TBX20: variants seen among roughly 807,000 people sequenced by gnomAD.
TBX20 encodes the protein T-box transcription factor 20, also known as T-box transcription factor TBX20.
In TBX20, 8 loss-of-function variants were observed where a neutral mutation model predicts 42.9. The observed-to-expected ratio is 0.19, with a 90% confidence interval of 0.11 to 0.34. The LOEUF (loss-of-function observed/expected upper bound fraction) is 0.34, where lower values mean the gene tolerates loss of function less well. TBX20 is among the 10% of genes least tolerant of loss of function. The pLI is 1.00. For missense variants in TBX20, 411 were observed against 566.0 expected (o/e 0.73, Z 2.78); for synonymous variants, 198 against 222.8 (o/e 0.89, Z 0.99).
chr7:35,236,139 A>G (rs553388540), intron 5 of TBX20, among the ~76,000 whole-genome samples: 3 of 152,212 alleles, frequency 2.0e-5, no homozygotes, highest in Non-Finnish European at 4.4e-5. Flanking sequence ...TCCTACTTTC[A>G]TTACTTACAA....
intron 5 of TBX20, among the ~76,000 whole-genome samples, chr7:35,234,028 G>T (rs1789916553): frequency 6.6e-6 from 1 of 152,184 alleles, no homozygotes; most frequent in African/African-American, 2.4e-5. Flanking sequence ...AGCAATAAAG[G>T]TAAGGCTGCC....
At chr7:35,219,999 A>T (rs1789653767) in intron 6 of TBX20, among the ~76,000 whole-genome samples, 1 of 152,188 alleles carries the variant, frequency 6.6e-6, no homozygotes, top group African/African-American at 2.4e-5. Flanking sequence ...AGGGTGATAT[A>T]AGCCTTTATA....
intron 6 of TBX20, among the ~76,000 whole-genome samples, chr7:35,214,401 A>C (rs1184308140): frequency 6.6e-6 from 1 of 152,164 alleles, no homozygotes; most frequent in Non-Finnish European, 1.5e-5. Context: ...CTATTTTTAA[A>C]TATCCCTTGA....
intron 6 of TBX20, among the ~76,000 whole-genome samples, chr7:35,218,421 T>C (rs1054812320): frequency 6.6e-6 from 1 of 152,118 alleles, no homozygotes; most frequent in Admixed American, 6.5e-5. Flanking sequence ...GGGCCCCAAC[T>C]GCTGTGTGAT....
At position 35,249,818 on chromosome 7, in the gene TBX20, G is replaced by T; in HGVS notation, c.380+133C>A. The stretch of plus-strand genomic sequence containing the variant: ...TCCTAATGCAAGCTGGTGGAAAGCA[G>T]CTGCCCTGGAGCCAAGCTGTCTCTC... On this transcript the variant is annotated intron_variant, in intron 2 of 7. Coordinates refer to ENST00000408931, the MANE Select transcript of TBX20 (RefSeq NM_001077653.2). This position sits in a 1 kb window ranked among gnomAD's most constrained non-coding sequence, Gnocchi z 4.3. 1 of 1,014,700 alleles carries T rather than the reference G, an allele frequency of 9.9e-7. No individual in the cohort carries two copies. Among genetic ancestry groups the T allele is most frequent in the Non-Finnish European group, 1.4e-6 (1 of 698,944 alleles). The allele number at this position is 1,014,700 out of a possible 1,614,324, so 62.9% of individuals were successfully genotyped here.
chr7:35,218,399 C>T (rs1789625403), intron 6 of TBX20, among the ~76,000 whole-genome samples: 1 of 152,022 alleles, frequency 6.6e-6, no homozygotes, highest in Admixed American at 6.6e-5. Flanking sequence ...GGGCAAGTCA[C>T]TTGAGCTCCT....
intron 6 of TBX20, among the ~76,000 whole-genome samples, chr7:35,214,437 A>T (rs1789547774): frequency 6.6e-6 from 1 of 152,214 alleles, no homozygotes; most frequent in African/African-American, 2.4e-5. Context: ...CCCATGAGTT[A>T]GGCTTGTTGA....
intron 4 of TBX20, among the ~76,000 whole-genome samples, chr7:35,242,137 C>T (rs1790095165): frequency 6.6e-6 from 1 of 152,194 alleles, no homozygotes; most frequent in Non-Finnish European, 1.5e-5. Context: ...GCTTTCTTGG[C>T]TAACCTGGGC....
chr7:35,232,725 T>G (rs910203865), intron 5 of TBX20, among the ~76,000 whole-genome samples: 2 of 152,194 alleles, frequency 1.3e-5, no homozygotes, highest in Non-Finnish European at 2.9e-5. Flanking sequence ...AACAGATAGT[T>G]TGAAATACTC....
chr7:35,234,486 A>G (rs894778306), intron 5 of TBX20, among the ~76,000 whole-genome samples: 7 of 152,214 alleles, frequency 4.6e-5, no homozygotes, highest in African/African-American at 1.7e-4. Flanking sequence ...TAAATTCAAC[A>G]TGAGTTTTCA....
chr7:35,209,092 G>GT (rs1305250553), intron 6 of TBX20, among the ~76,000 whole-genome samples: 1 of 151,816 alleles, frequency 6.6e-6, no homozygotes, highest in Admixed American at 6.6e-5. Flanking sequence ...ACATATTATC[G>GT]TTTTTTTAAT....
At chr7:35,239,902 C>T (rs1210393320) in intron 5 of TBX20, among the ~76,000 whole-genome samples, 1 of 152,026 alleles carries the variant, frequency 6.6e-6, no homozygotes, top group African/African-American at 2.4e-5. Flanking sequence ...CAGGCACCTG[C>T]CACCAGGCCC....
intron 1 of TBX20, among the ~76,000 whole-genome samples, chr7:35,251,682 TCAG>T (rs1790308150): frequency 6.6e-6 from 1 of 152,202 alleles, no homozygotes; most frequent in Non-Finnish European, 1.5e-5. Flanking sequence ...TAGAAATGCT[TCAG>T]CAGACTGAAG....
At chr7:35,206,707 C>T (rs1035209181) in intron 6 of TBX20, among the ~76,000 whole-genome samples, 4 of 152,182 alleles carry the variant, frequency 2.6e-5, no homozygotes, top group Admixed American at 2.6e-4. Flanking sequence ...CGCAACAAAC[C>T]TTTCCAAGGA....
chr7:35,246,918 T>C (rs1790200424), intron 3 of TBX20, among the ~76,000 whole-genome samples: 1 of 152,030 alleles, frequency 6.6e-6, no homozygotes, highest in Non-Finnish European at 1.5e-5. Flanking sequence ...TGAAAAAATA[T>C]ACAGGAAGCC....
intron 7 of TBX20, 133 bp downstream of exon 7, chr7:35,204,337 C>G: frequency 1.4e-6 from 1 of 722,314 alleles, no homozygotes; most frequent in East Asian, 2.7e-5. Context: ...GCTCTCCCTT[C>G]CCAAGGAGGC....
intron 6 of TBX20, among the ~76,000 whole-genome samples, chr7:35,221,324 A>T (rs1022811099): frequency 6.6e-6 from 1 of 151,440 alleles, no homozygotes; most frequent in Non-Finnish European, 1.5e-5. Flanking sequence ...ATATCAAAAG[A>T]AAAAGAAAGG....
chr7:35,217,786 T>C (rs1477699463), intron 6 of TBX20, among the ~76,000 whole-genome samples: 3 of 152,236 alleles, frequency 2.0e-5, no homozygotes, highest in East Asian at 3.9e-4. Context: ...AATGGAACGA[T>C]CTTGGCTCAC....
In TBX20 at chr7:35,249,862, C is replaced by T; in HGVS notation, c.380+89G>A. On this transcript the variant is annotated intron_variant, in intron 2 of 7. Coordinates refer to ENST00000408931, the MANE Select transcript of TBX20 (RefSeq NM_001077653.2). This position sits in a 1 kb window ranked among gnomAD's most constrained non-coding sequence, Gnocchi z 4.3. ...GTCTCTCCGCTCCATGACCAGCCAG[C>T]TCTCATCTAGTTCCTGGAAGCACCC... is the stretch of plus-strand genomic sequence containing the variant. The T allele has an allele frequency of 6.9e-7, 1 of 1,439,106 alleles. No individual in the cohort carries two copies. The highest frequency in any genetic ancestry group is 9.4e-7 in the Non-Finnish European group (1 of 1,060,510). The allele number at this position is 1,439,106 out of a possible 1,614,324, so 89.1% of individuals were successfully genotyped here.
Sources: gnomAD v4.1 joint callset for allele counts (sites outside exome capture counted in the v4.1 genomes callset) on GRCh38, gnomAD v4.1.1 for gene constraint, Gnocchi (gnomAD v3.1) non-coding constraint, MANE v1.5 for transcripts, NCBI Gene and HGNC (gene_info 2026-07-23, HGNC 2026-07-21) for gene names.